Variants in ACO2 observed in about 807,000 individuals in gnomAD.
ACO2 encodes the protein aconitate hydratase, mitochondrial.
In ACO2, 31 loss-of-function variants were observed where a neutral mutation model predicts 84.5. That is an observed-to-expected ratio of 0.37 (90% CI 0.28 to 0.50). The LOEUF (loss-of-function observed/expected upper bound fraction) is 0.50, where lower values mean the gene tolerates loss of function less well. Among genes scored for constraint, ACO2 ranks in the 20% least tolerant of loss-of-function variants. The pLI is 0.97. For missense variants in ACO2, 685 were observed against 1,029.3 expected (o/e 0.67, Z 4.58); for synonymous variants, 414 against 412.7 (o/e 1.00, Z -0.04).
At chr22:41,526,813 T>C (rs548573442) in intron 15 of ACO2, 23 of 307,540 alleles carry the variant, frequency 7.5e-5, no homozygotes, top group East Asian at 2.7e-4. Flanking sequence ...TCTGAGGTGA[T>C]TGGACTTTTT....
chr22:41,499,907 C>T, intron 2 of ACO2, 45 bp downstream of exon 2: 2 of 1,604,406 alleles, frequency 1.2e-6, no homozygotes, highest in Non-Finnish European at 1.7e-6. Context: ...GGCATTGCGT[C>T]TGCTGCCTGC....
At chr22:41,521,324 A>C (rs1349615611) in intron 9 of ACO2, 1 of 152,258 alleles carries the variant, frequency 6.6e-6, no homozygotes, top group Non-Finnish European at 1.5e-5. Context: ...AGTCACTGGC[A>C]TCTGCTGCTG....
intron 3 of ACO2, among the ~76,000 whole-genome samples, chr22:41,508,594 T>C (rs1416517848): frequency 3.3e-5 from 5 of 152,234 alleles, no homozygotes; most frequent in Admixed American, 1.3e-4. Flanking sequence ...GCTCTGTCAC[T>C]GAGGAGCCTC....
chr22:41,509,590 G>A (rs1052657066), intron 3 of ACO2, among the ~76,000 whole-genome samples: 2 of 152,120 alleles, frequency 1.3e-5, no homozygotes, highest in African/African-American at 4.8e-5. Context: ...ATTGACTGGA[G>A]GAAGAACATG....
chr22:41,520,092 G>A, intron 8 of ACO2, 79 bp from the exon 9 acceptor site: 1 of 1,264,066 alleles, frequency 7.9e-7, no homozygotes, highest in South Asian at 1.3e-5. Flanking sequence ...GGGACGTGGT[G>A]AGGCAGTGAA....
At position 41,517,785 on chromosome 22, in the gene ACO2, A is replaced by G. The variant is rs986988866; in HGVS notation, c.940+154A>G. 3.9e-5 allele frequency among the ~76,000 whole-genome samples: 6 copies of G among 152,216 alleles called. 1 individual carries two copies. The highest frequency in any genetic ancestry group is 4.2e-4 in the South Asian group (2 of 4,816). On this transcript the variant is annotated intron_variant, in intron 7 of 17. Coordinates refer to ENST00000216254, the MANE Select transcript of ACO2 (RefSeq NM_001098.3). Reference sequence around the variant, plus strand: ...TCTGAGAAAGCCCTGAAGAGGTGCAATATGTTTCTGAGTAGATTGTCTGGA... The same window carrying G: ...TCTGAGAAAGCCCTGAAGAGGTGCAGTATGTTTCTGAGTAGATTGTCTGGA...
At chr22:41,520,131 C>G in intron 8 of ACO2, 40 bp from the exon 9 acceptor site, 15 of 1,533,750 alleles carry the variant, frequency 9.8e-6, no homozygotes, top group Admixed American at 1.7e-5. Context: ...AAGGTTTCTT[C>G]CCTCCTCTCT....
At chr22:41,507,273 C>T (rs1244648354) in intron 2 of ACO2, among the ~76,000 whole-genome samples, 1 of 152,046 alleles carries the variant, frequency 6.6e-6, no homozygotes, top group African/African-American at 2.4e-5. Flanking sequence ...TTGTAGATGG[C>T]GGACAGGGTG....
chr22:41,478,414 G>C (rs942563921), intron 1 of ACO2, among the ~76,000 whole-genome samples: 1 of 152,174 alleles, frequency 6.6e-6, no homozygotes, highest in Non-Finnish European at 1.5e-5. Context: ...AAAATATTGA[G>C]ATTACAGGCG....
chr22:41,481,437 A>G (rs1008628356), intron 1 of ACO2, among the ~76,000 whole-genome samples: 23 of 152,228 alleles, frequency 1.5e-4, no homozygotes, highest in Non-Finnish European at 2.4e-4. Flanking sequence ...TCACTGGTAC[A>G]TGGCTCCCCA....
chr22:41,520,804 T>G (rs1389420780), intron 9 of ACO2, among the ~76,000 whole-genome samples: 1 of 149,564 alleles, frequency 6.7e-6, no homozygotes, highest in Non-Finnish European at 1.5e-5. Flanking sequence ...ATTGTGTCAC[T>G]GCACTCCAGC....
At chr22:41,524,445 C>T (rs958019108) in intron 12 of ACO2, among the ~76,000 whole-genome samples, 1 of 152,196 alleles carries the variant, frequency 6.6e-6, no homozygotes, top group Non-Finnish European at 1.5e-5. Flanking sequence ...TGTTTATCTG[C>T]GTGTTCTACA....
chr22:41,522,801 C>T (rs1486098258), intron 9 of ACO2, 29 bp from the exon 10 acceptor site: 1 of 1,612,488 alleles, frequency 6.2e-7, no homozygotes, highest in Non-Finnish European at 8.5e-7. Context: ...TCCTCCTGAC[C>T]CTTAACCCCA....
chr22:41,500,300 AATTTT>A lies in ACO2; in HGVS notation c.173+463_173+467del, dbSNP rs796379447. 7.2e-4 allele frequency among the ~76,000 whole-genome samples: 107 copies of A among 149,296 alleles called. 2 individuals are homozygous for A. Among genetic ancestry groups the A allele is most frequent in the Middle Eastern group, 3.5e-3 (1 of 282 alleles). On this transcript the variant is annotated intron_variant, in intron 2 of 17. Transcript: ENST00000216254. ...AACTAAGATGGGACCTTTTTAATTTAATTTTATTTTATTTTATTTTATTTTATTTA... is the reference window on the plus strand; with the variant it reads ...AACTAAGATGGGACCTTTTTAATTTAATTTTATTTTATTTTATTTTATTTA...
chr22:41,521,056 AAAAG>A (rs1555889602), intron 9 of ACO2, among the ~76,000 whole-genome samples: 133 of 147,070 alleles, frequency 9.0e-4, no homozygotes, highest in Non-Finnish European at 1.3e-3. Context: ...AAAAAAAAAA[AAAAG>A]AAAGAAAAGA....
At chr22:41,512,502 G>A (rs753609853) in intron 4 of ACO2, among the ~76,000 whole-genome samples, 20 of 152,306 alleles carry the variant, frequency 1.3e-4, no homozygotes, top group Non-Finnish European at 2.5e-4. Flanking sequence ...CACCTAGCTG[G>A]CTTACTGTGG....
Position 41,518,530 on chromosome 22 carries a change from T to G in ACO2, c.990T>G (p.Pro330=), listed in dbSNP as rs2066493954. The G allele has an allele frequency of 6.2e-7, 1 of 1,613,820 alleles. No individual in the cohort carries two copies. Among genetic ancestry groups the G allele is most frequent in the African/African-American group, 1.3e-5 (1 of 74,922 alleles). Residue 330 remains proline, a synonymous_variant, in exon 8 of 18, where the codon CCT becomes CCG. Coordinates refer to ENST00000216254, the MANE Select transcript of ACO2 (RefSeq NM_001098.3). The part of the protein sequence containing the change: ...DEFKDHLVPD[P]GCHYDQLIEI... ...TCAAGGATCACTTGGTGCCTGACCC[T>G]GGCTGCCATTATGACCAACTAATTG... is the stretch of plus-strand genomic sequence containing the variant.
At chr22:41,517,698 C>A (rs774666692) in intron 7 of ACO2, 67 bp downstream of exon 7, 1 of 1,401,292 alleles carries the variant, frequency 7.1e-7, no homozygotes, top group Non-Finnish European at 1.0e-6. Flanking sequence ...CAAGACAGAG[C>A]TATGCCTTTC....
At chr22:41,508,904 C>T (rs1249231961) in intron 3 of ACO2, among the ~76,000 whole-genome samples, 2 of 152,138 alleles carry the variant, frequency 1.3e-5, no homozygotes, top group Non-Finnish European at 2.9e-5. Context: ...GAAAGTGCTC[C>T]AGCTCCCAGG....
Sources: allele counts gnomAD v4.1 joint callset (sites outside exome capture counted in the v4.1 genomes callset), GRCh38; gene constraint gnomAD v4.1.1; transcripts MANE v1.5; gene names NCBI Gene and HGNC (gene_info 2026-07-23, HGNC 2026-07-21).